Variants in L3MBTL4 observed in about 807,000 individuals in gnomAD.
L3MBTL4 encodes lethal(3)malignant brain tumor-like protein 4.
L3MBTL4 carries 70 observed loss-of-function variants against 84.5 expected under a neutral mutation model. That is an observed-to-expected ratio of 0.83 (90% CI 0.68 to 1.01). The LOEUF (loss-of-function observed/expected upper bound fraction) is 1.01. L3MBTL4 is among the 50% of genes least tolerant of loss of function. The pLI, the probability that L3MBTL4 is intolerant of heterozygous loss-of-function variation, is 0.00. For synonymous variants in L3MBTL4, 274 were observed against 259.8 expected (o/e 1.05, Z -0.52); for missense variants, 715 against 754.8 (o/e 0.95, Z 0.62).
intron 1 of L3MBTL4, among the ~76,000 whole-genome samples, chr18:6,394,386 T>G (rs896427806): frequency 6.6e-6 from 1 of 152,162 alleles, no homozygotes; most frequent in Middle Eastern, 3.2e-3. Context: ...GAGAATCACT[T>G]GAACCCAGGA....
At chr18:6,102,737 A>C (rs1330151735) in intron 14 of L3MBTL4, among the ~76,000 whole-genome samples, 1 of 152,220 alleles carries the variant, frequency 6.6e-6, no homozygotes, top group Non-Finnish European at 1.5e-5. Flanking sequence ...GGCAACCTCC[A>C]CTGGAGCTAT....
chr18:6,118,928 G>A (rs1026477444), intron 14 of L3MBTL4, among the ~76,000 whole-genome samples: 3 of 149,346 alleles, frequency 2.0e-5, no homozygotes, highest in Non-Finnish European at 4.4e-5. Flanking sequence ...TCACATCAAG[G>A]TAAAATTACA....
chr18:6,177,946 T>C (rs2044297642), intron 12 of L3MBTL4, among the ~76,000 whole-genome samples: 1 of 152,214 alleles, frequency 6.6e-6, no homozygotes, highest in Non-Finnish European at 1.5e-5. Context: ...AATTTTTTTA[T>C]GTTTCAAAAG....
intron 14 of L3MBTL4, among the ~76,000 whole-genome samples, chr18:6,118,311 T>C (rs1249819893): frequency 6.6e-6 from 1 of 152,016 alleles, no homozygotes; most frequent in Non-Finnish European, 1.5e-5. Context: ...TTACTCATCC[T>C]TCAGGACTCA....
chr18:6,283,451 C>G (rs2729745), intron 4 of L3MBTL4, among the ~76,000 whole-genome samples: 2 of 151,996 alleles, frequency 1.3e-5, no homozygotes, highest in African/African-American at 4.8e-5. Context: ...AAAATAAGTT[C>G]TTTCCTAAGC....
chr18:6,076,194 T>C (rs1286218947), intron 16 of L3MBTL4, among the ~76,000 whole-genome samples: 1 of 152,222 alleles, frequency 6.6e-6, no homozygotes, highest in Admixed American at 6.5e-5. Flanking sequence ...ACTAGAATGT[T>C]CCTAGTGGAA....
chr18:6,036,271 C>A (rs2056135369), intron 16 of L3MBTL4, among the ~76,000 whole-genome samples: 1 of 152,068 alleles, frequency 6.6e-6, no homozygotes, highest in African/African-American at 2.4e-5. Flanking sequence ...TCTCTATACC[C>A]CTTTCTCTCT....
At chr18:6,215,156 A>C (rs2046270230) in intron 11 of L3MBTL4, among the ~76,000 whole-genome samples, 1 of 152,200 alleles carries the variant, frequency 6.6e-6, no homozygotes, top group South Asian at 2.1e-4. Flanking sequence ...GAGAACTGAA[A>C]GGGAATAGAG....
intron 3 of L3MBTL4, 83 bp downstream of exon 3, chr18:6,311,471 G>A: frequency 1.8e-6 from 2 of 1,126,100 alleles, no homozygotes; most frequent in Non-Finnish European, 2.7e-6. Flanking sequence ...CCCTGAGTGT[G>A]GTTATGTGAA....
At position 6,213,199 on chromosome 18, in the gene L3MBTL4, T is replaced by C. The variant is rs2145796592; in HGVS notation, c.931A>G (p.Arg311Gly). The C allele has an allele frequency of 6.2e-7, 1 of 1,611,450 alleles. No individual in the cohort carries two copies. Among genetic ancestry groups the C allele is most frequent in the Non-Finnish European group, 8.5e-7 (1 of 1,179,072 alleles). Residue 311 changes from arginine (R) to glycine (G), a missense_variant, in exon 12 of 19, where the codon AGG becomes GGG. By Grantham distance (125) the Arg-to-Gly change is moderately radical. Coordinates refer to ENST00000317931, the MANE Select transcript of L3MBTL4 (RefSeq NM_001330559.2). ...KLEVVDKRNP[R>G]LIRVATIVDV... ...ACAATCGTAGCAACACGAATTAACC[T>C]GGGGTTCCGTTTATCCACAACTTCA...
At chr18:6,372,492 T>C (rs751393202) in intron 1 of L3MBTL4, among the ~76,000 whole-genome samples, 5 of 152,240 alleles carry the variant, frequency 3.3e-5, no homozygotes, top group Non-Finnish European at 5.9e-5. Context: ...GAACCAACTA[T>C]AATTCTCTTC....
chr18:6,215,029 T>A (rs1263917313), intron 11 of L3MBTL4, among the ~76,000 whole-genome samples: 1 of 152,138 alleles, frequency 6.6e-6, no homozygotes, highest in South Asian at 2.1e-4. Context: ...AAATGAAATA[T>A]CATTTTGTTT....
chr18:6,361,476 A>G (rs1307486540), intron 1 of L3MBTL4, among the ~76,000 whole-genome samples: 1 of 152,194 alleles, frequency 6.6e-6, no homozygotes, highest in African/African-American at 2.4e-5. Context: ...TCCAGACTCA[A>G]GCTGGACAAA....
chr18:5,969,674 C>T lies in L3MBTL4; in HGVS notation c.1445-112G>A, dbSNP rs901587010. 37 of 992,536 alleles carry T rather than the reference C, an allele frequency of 3.7e-5. No homozygotes were observed. In the African/African-American group the frequency reaches 4.9e-4, roughly 13 times the overall value. The allele number at this position is 992,536 out of a possible 1,614,324, so 61.5% of individuals were successfully genotyped here. A position where few individuals can be genotyped will look rare whatever the true frequency, so the allele number is the denominator to read the frequency against. ...CAGGGGACGGAAAGTGCAGACACCACCAGAACCCGCGTCTTCTGATCGTAC... is the reference window on the plus strand; with the variant it reads ...CAGGGGACGGAAAGTGCAGACACCATCAGAACCCGCGTCTTCTGATCGTAC... On this transcript the variant is annotated intron_variant, in intron 16 of 18. Transcript: ENST00000317931.
chr18:6,268,527 G>C (rs1270493706), intron 4 of L3MBTL4, among the ~76,000 whole-genome samples: 3 of 152,190 alleles, frequency 2.0e-5, no homozygotes, highest in Non-Finnish European at 4.4e-5. Context: ...TTCCTGGACA[G>C]AAGGAACCAG....
At chr18:6,222,633 C>A (rs2046605669) in intron 10 of L3MBTL4, among the ~76,000 whole-genome samples, 1 of 152,092 alleles carries the variant, frequency 6.6e-6, no homozygotes, top group African/African-American at 2.4e-5. Flanking sequence ...GTTTCTCTAA[C>A]CGTATCATAT....
chr18:6,413,270 A>C (rs2056046074), intron 1 of L3MBTL4, among the ~76,000 whole-genome samples: 1 of 152,186 alleles, frequency 6.6e-6, no homozygotes, highest in Admixed American at 6.5e-5. Flanking sequence ...GCAAAGTGCT[A>C]AGTGATTCTG....
intron 16 of L3MBTL4, among the ~76,000 whole-genome samples, chr18:6,051,755 G>A (rs2056849809): frequency 6.6e-6 from 1 of 152,176 alleles, no homozygotes; most frequent in East Asian, 1.9e-4. Flanking sequence ...CCTGTGCTAA[G>A]GGAAGGTTTC....
At chr18:5,977,610 G>A (rs915490431) in intron 16 of L3MBTL4, among the ~76,000 whole-genome samples, 4 of 152,350 alleles carry the variant, frequency 2.6e-5, no homozygotes, top group South Asian at 2.1e-4. Context: ...AGGCAGTCAC[G>A]ACTCTAGGAA....
Sources: allele counts gnomAD v4.1 joint callset (sites outside exome capture counted in the v4.1 genomes callset), GRCh38; gene constraint gnomAD v4.1.1; transcripts MANE v1.5; gene names NCBI Gene and HGNC (gene_info 2026-07-23, HGNC 2026-07-21).